The following TLR6 variants were observed in gnomAD, a reference collection of about 807,000 sequenced individuals.
TLR6 encodes toll like receptor 6.
Under a neutral mutation model 16.1 loss-of-function variants are expected in TLR6, and 9 were observed. The ratio of observed to expected loss-of-function variants is 0.56; its 90% CI spans 0.34 to 0.98. The LOEUF (loss-of-function observed/expected upper bound fraction) is 0.98, where lower values mean the gene tolerates loss of function less well. TLR6 is among the 50% of genes least tolerant of loss of function. The pLI is 0.02. For missense variants in TLR6, 786 were observed against 921.0 expected (o/e 0.85, Z 1.90); for synonymous variants, 340 against 338.6 (o/e 1.00, Z -0.04).
the TLR6 span, chr4:38,867,720 CGGG>C: frequency 6.6e-6 from 1 of 150,984 alleles, no homozygotes. Flanking sequence ...GGGGCGCAGG[CGGG>C]GCGGGGCCCC....
intron 1 of TLR6, among the ~76,000 whole-genome samples, chr4:38,846,635 G>A (rs1712542012): frequency 6.6e-6 from 1 of 152,112 alleles, no homozygotes; most frequent in African/African-American, 2.4e-5. Context: ...ATACAAGAAG[G>A]ATTATTTAGC....
At chr4:38,853,397 G>T (rs1291973409) in intron 1 of TLR6, among the ~76,000 whole-genome samples, 1 of 151,550 alleles carries the variant, frequency 6.6e-6, no homozygotes, top group African/African-American at 2.4e-5. Flanking sequence ...AAAAAAGAAT[G>T]CACACATTGT....
At chr4:38,842,937 A>C (rs1454059589) in intron 1 of TLR6, among the ~76,000 whole-genome samples, 1 of 152,150 alleles carries the variant, frequency 6.6e-6, no homozygotes, top group Admixed American at 6.5e-5. Flanking sequence ...TTTTCCAACC[A>C]ACATTAGACT....
At chr4:38,846,693 A>C (rs1218265880) in intron 1 of TLR6, among the ~76,000 whole-genome samples, 1 of 152,220 alleles carries the variant, frequency 6.6e-6, no homozygotes, top group Non-Finnish European at 1.5e-5. Flanking sequence ...AGTATTGATG[A>C]CAAAAATCTT....
chr4:38,827,184 G>A, exon 2 of TLR6: 2 of 1,614,168 alleles, frequency 1.2e-6, no homozygotes, highest in Non-Finnish European at 8.5e-7. Context: ...TTCTCCTTGG[G>A]CCACTGCAAA....
At position 38,827,451 on chromosome 4, in the gene TLR6, C is replaced by A; in HGVS notation, c.2023G>T (p.Glu675Ter). ...CTCTTGCCAGGGACAAAGTTTCTCT[C>A]ATGAAGACAAATCTGTATATCTTCT... Residue 675 changes from glutamate (E) to a stop codon, truncating the protein, a stop_gained, in exon 2 of 2, where the codon GAG becomes TAG. Coordinates refer to ENST00000436693, the Ensembl canonical transcript of TLR6. LOFTEE classifies it high-confidence loss of function. 1 of 1,614,228 alleles carries A rather than the reference C, an allele frequency of 6.2e-7. No homozygotes were observed. The highest frequency in any genetic ancestry group is 8.5e-7 in the Non-Finnish European group (1 of 1,180,048).
At chr4:38,840,719 G>A (rs1712219312) in intron 1 of TLR6, among the ~76,000 whole-genome samples, 1 of 151,958 alleles carries the variant, frequency 6.6e-6, no homozygotes, top group Admixed American at 6.5e-5. Context: ...CTGTATATGA[G>A]TGCATGCAGA....
exon 2 of TLR6, chr4:38,827,130 T>G: frequency 6.2e-7 from 1 of 1,606,258 alleles, no homozygotes; most frequent in South Asian, 1.1e-5. Flanking sequence ...AATTTCATAT[T>G]AAAAGCGGCT....
exon 2 of TLR6, chr4:38,828,644 G>T: frequency 1.2e-6 from 2 of 1,614,094 alleles, no homozygotes. Context: ...ATATTCCACA[G>T]GTTTGGGCCA....
chr4:38,846,380 A>G (rs769932674), intron 1 of TLR6, among the ~76,000 whole-genome samples: 1 of 152,202 alleles, frequency 6.6e-6, no homozygotes, highest in Non-Finnish European at 1.5e-5. Flanking sequence ...AAAATAGAGT[A>G]AGAATCATGG....
At chr4:38,824,942 G>A (rs145451970) in exon 2 of TLR6, 4,614 of 152,318 alleles carry the variant, frequency 0.03, 233 homozygotes, top group African/African-American at 0.11. Flanking sequence ...GACTACAGGT[G>A]CACACCACCA....
At chr4:38,836,322 A>T (rs531678457) in intron 1 of TLR6, among the ~76,000 whole-genome samples, 1 of 152,302 alleles carries the variant, frequency 6.6e-6, no homozygotes, top group South Asian at 2.1e-4. Context: ...ACAGAAATAT[A>T]AAAGATCATT....
chr4:38,832,464 C>T lies in TLR6; in HGVS notation c.-64-2927G>A, dbSNP rs368148486. Reference sequence around the variant, plus strand: ...GTTTCCACTATGGACTCCTGTAATCCTAGCCATGAGCTAGCTCCTTGGCCT... The same window carrying T: ...GTTTCCACTATGGACTCCTGTAATCTTAGCCATGAGCTAGCTCCTTGGCCT... On this transcript the variant is annotated intron_variant, in intron 1 of 1. Coordinates refer to ENST00000436693, the Ensembl canonical transcript of TLR6. 1.8e-3 allele frequency among the ~76,000 whole-genome samples: 272 copies of T among 152,334 alleles called. 1 individual carries two copies. Among genetic ancestry groups the T allele is most frequent in the African/African-American group, 6.1e-3 (252 of 41,568 alleles).
the TLR6 span, among the ~76,000 whole-genome samples, chr4:38,863,512 C>T: frequency 6.6e-6 from 1 of 152,184 alleles, no homozygotes; most frequent in Admixed American, 6.5e-5. Flanking sequence ...TGAATCTTTA[C>T]TACCTCTAAC....
chr4:38,862,508 T>A, the TLR6 span, among the ~76,000 whole-genome samples: 1 of 151,898 alleles, frequency 6.6e-6, no homozygotes. Flanking sequence ...TTTGAATTCC[T>A]GGCCTCAAGT....
chr4:38,843,100 C>T (rs1341924712), intron 1 of TLR6, among the ~76,000 whole-genome samples: 1 of 152,172 alleles, frequency 6.6e-6, no homozygotes, highest in East Asian at 1.9e-4. Flanking sequence ...CAGAAAGCCT[C>T]GTTGCATTAC....
chr4:38,834,735 A>ACC (rs1472482493), intron 1 of TLR6, among the ~76,000 whole-genome samples: 1 of 152,202 alleles, frequency 6.6e-6, no homozygotes, highest in African/African-American at 2.4e-5. Flanking sequence ...GAATGGGATA[A>ACC]TATACTCAAA....
intron 1 of TLR6, among the ~76,000 whole-genome samples, chr4:38,846,609 A>G (rs1712541092): frequency 2.0e-5 from 3 of 152,180 alleles, no homozygotes; most frequent in African/African-American, 7.2e-5. Context: ...AAAGAAATTA[A>G]CTCTAAAATA....
intron 1 of TLR6, among the ~76,000 whole-genome samples, chr4:38,834,356 A>C (rs1711792712): frequency 6.6e-6 from 1 of 150,504 alleles, no homozygotes; most frequent in South Asian, 2.1e-4. Context: ...AGGCGAAAAA[A>C]AAAAAAAAGG....
Sources: gnomAD v4.1 joint callset for allele counts (sites outside exome capture counted in the v4.1 genomes callset) on GRCh38, gnomAD v4.1.1 for gene constraint, MANE v1.5 for transcripts, NCBI Gene and HGNC (gene_info 2026-07-23, HGNC 2026-07-21) for gene names.